CAPS2: variants seen among roughly 807,000 people sequenced by gnomAD.
CAPS2 encodes the protein calcyphosine 2.
A neutral mutation model predicts 86.5 loss-of-function variants in CAPS2; 98 were observed. The observed-to-expected ratio is 1.13, with a 90% confidence interval of 0.96 to 1.34. CAPS2 has a LOEUF of 1.34. CAPS2 is among the 40% of genes most tolerant of loss of function. The probability of loss-of-function intolerance (pLI) is 0.00; values close to 1 mark genes in which losing one functional copy is unlikely to be tolerated. For missense variants in CAPS2, 729 were observed against 686.8 expected, an observed-to-expected ratio of 1.06 and a Z score of -0.69; for synonymous variants, 210 against 225.1, an observed-to-expected ratio of 0.93 and a Z score of 0.60.
rs148014604 is a variant in CAPS2 at position 75,372,817 on chromosome 12, C to A, written c.-395+18021G>T. 2.7e-3 allele frequency among the ~76,000 whole-genome samples: 407 copies of A among 152,314 alleles called. 1 individual carries two copies. Among genetic ancestry groups the A allele is most frequent in the African/African-American group, 9.1e-3 (380 of 41,568 alleles). On this transcript the variant is annotated intron_variant, in intron 1 of 5. Transcript: ENST00000551829. The stretch of plus-strand genomic sequence containing the variant: ...GACCAGTGAATTCCATGAGCATGAG[C>A]CCACTGTTGCACTTCTTTAGCCACA...
chr12:75,315,892 T>A (rs2039705813), intron 6 of CAPS2, among the ~76,000 whole-genome samples: 1 of 151,976 alleles, frequency 6.6e-6, no homozygotes, highest in Admixed American at 6.6e-5. Flanking sequence ...AAGTTAATAT[T>A]GAGCATCTGG....
At chr12:75,349,279 C>G (rs1425182296) in intron 1 of CAPS2, among the ~76,000 whole-genome samples, 1 of 152,098 alleles carries the variant, frequency 6.6e-6, no homozygotes, top group Non-Finnish European at 1.5e-5. Flanking sequence ...CAAAATGTTC[C>G]CATGTAATTT....
intron 9 of CAPS2, among the ~76,000 whole-genome samples, chr12:75,299,614 G>A (rs545501362): frequency 6.6e-6 from 1 of 151,872 alleles, no homozygotes; most frequent in African/African-American, 2.4e-5. Flanking sequence ...ATTTAAATTC[G>A]CTTTAAAGAT....
chr12:75,381,684 G>T (rs189100468), intron 1 of CAPS2, among the ~76,000 whole-genome samples: 35 of 141,108 alleles, frequency 2.5e-4, no homozygotes, highest in Middle Eastern at 3.9e-3. Flanking sequence ...GCACAATCTC[G>T]GCCCGCTGCA....
chr12:75,386,025 T>C (rs1043042071), intron 1 of CAPS2, among the ~76,000 whole-genome samples: 1 of 152,214 alleles, frequency 6.6e-6, no homozygotes, highest in African/African-American at 2.4e-5. Context: ...TCCTTGTTCA[T>C]AAATATTCCT....
At chr12:75,317,493 C>T (rs939049864) in intron 5 of CAPS2, among the ~76,000 whole-genome samples, 4 of 152,146 alleles carry the variant, frequency 2.6e-5, no homozygotes, top group Admixed American at 6.6e-5. Flanking sequence ...AAAACACTTT[C>T]GAAATAATTT....
intron 1 of CAPS2, among the ~76,000 whole-genome samples, chr12:75,381,634 G>A (rs1476376176): frequency 3.4e-5 from 1 of 29,170 alleles, no homozygotes; most frequent in African/African-American, 1.5e-4. Flanking sequence ...TTTTTTTTTT[G>A]AGACAGAGTC....
intron 1 of CAPS2, among the ~76,000 whole-genome samples, chr12:75,387,317 T>C (rs1000026613): frequency 1.3e-5 from 2 of 152,150 alleles, no homozygotes; most frequent in Non-Finnish European, 2.9e-5. Context: ...AGGTGCATCA[T>C]ATGTCACCAG....
At chr12:75,352,407 G>A (rs950588200) in intron 1 of CAPS2, among the ~76,000 whole-genome samples, 8 of 152,134 alleles carry the variant, frequency 5.3e-5, no homozygotes, top group African/African-American at 1.9e-4. Flanking sequence ...AGACAAAGAA[G>A]GGCATTACAT....
chr12:75,328,369 A>C (rs1565923050), upstream of CAPS2, among the ~76,000 whole-genome samples: 1 of 152,142 alleles, frequency 6.6e-6, no homozygotes, highest in Non-Finnish European at 1.5e-5. Flanking sequence ...ATTTCAAATC[A>C]GTATAATTTA....
intron 1 of CAPS2, among the ~76,000 whole-genome samples, chr12:75,388,621 T>C (rs2045412418): frequency 6.6e-6 from 1 of 152,148 alleles, no homozygotes; most frequent in Non-Finnish European, 1.5e-5. Context: ...AAATTAGTAG[T>C]TGCCGGGGTT....
intron 7 of CAPS2, chr12:75,305,959 C>G: frequency 8.1e-7 from 1 of 1,237,906 alleles, no homozygotes; most frequent in East Asian, 2.4e-5. Context: ...GGAGCATGGA[C>G]AGGGTGGCTC....
At chr12:75,322,371 C>T (rs2040388049) in intron 4 of CAPS2, among the ~76,000 whole-genome samples, 1 of 152,140 alleles carries the variant, frequency 6.6e-6, no homozygotes, top group Non-Finnish European at 1.5e-5. Flanking sequence ...TTTATAAAGC[C>T]AGTCCAACCC....
intron 1 of CAPS2, chr12:75,359,793 G>T (rs2043444638): frequency 6.6e-6 from 1 of 152,060 alleles, no homozygotes; most frequent in Non-Finnish European, 1.5e-5. Context: ...AAGTAACCTG[G>T]ATCTATACAA....
intron 7 of CAPS2, 127 bp from the exon 8 acceptor site, chr12:75,305,003 T>G (rs957487599): frequency 3.3e-6 from 2 of 602,186 alleles, no homozygotes; most frequent in Non-Finnish European, 5.2e-6. Flanking sequence ...CAGAATATTT[T>G]TATTAAATAA....
At chr12:75,310,894 T>G (rs2039083376) in intron 7 of CAPS2, among the ~76,000 whole-genome samples, 1 of 152,112 alleles carries the variant, frequency 6.6e-6, no homozygotes, top group Non-Finnish European at 1.5e-5. Flanking sequence ...TGGAAACACA[T>G]GAGATCATTT....
exon 7 of CAPS2, chr12:75,312,888 G>T: frequency 6.2e-7 from 1 of 1,607,530 alleles, no homozygotes; most frequent in Non-Finnish European, 8.5e-7. Flanking sequence ...GCAACAATCT[G>T]TTTCTTCTTC....
intron 6 of CAPS2, 76 bp downstream of exon 6, chr12:75,316,236 C>T: frequency 6.6e-7 from 1 of 1,503,800 alleles, no homozygotes; most frequent in African/African-American, 1.4e-5. Flanking sequence ...ATTATTTATT[C>T]CATTCAGTCT....
intron 1 of CAPS2, chr12:75,370,497 T>G (rs1268010065): frequency 5.6e-6 from 1 of 178,908 alleles, no homozygotes; most frequent in East Asian, 1.4e-4. Context: ...ACATATCAAA[T>G]AGTTTCCTTA....
Sources: allele counts gnomAD v4.1 joint callset (sites outside exome capture counted in the v4.1 genomes callset), GRCh38; gene constraint gnomAD v4.1.1; transcripts MANE v1.5; gene names NCBI Gene and HGNC (gene_info 2026-07-23, HGNC 2026-07-21).